MALRD1: variants seen among roughly 807,000 people sequenced by gnomAD.
MALRD1 encodes MAM and LDL-receptor class A domain-containing protein 1.
Under a neutral mutation model 242.1 loss-of-function variants are expected in MALRD1, and 247 were observed. The observed-to-expected ratio is 1.02, with a 90% confidence interval of 0.92 to 1.13. The LOEUF is 1.13. MALRD1 is among the 50% of genes most tolerant of loss of function. The pLI is 0.00. For synonymous variants in MALRD1, 995 were observed against 866.6 expected, an observed-to-expected ratio of 1.15 and a Z score of -2.60; for missense variants, 2,989 against 2,533.1, an observed-to-expected ratio of 1.18 and a Z score of -3.86.
At chr10:19,187,106 T>C (rs1835772921) in intron 14 of MALRD1, among the ~76,000 whole-genome samples, 1 of 152,216 alleles carries the variant, frequency 6.6e-6, no homozygotes, top group African/African-American at 2.4e-5. Context: ...ACTCACATGC[T>C]TACTTTTAAG....
At chr10:19,435,725 C>T (rs1834326815) in intron 28 of MALRD1, among the ~76,000 whole-genome samples, 1 of 152,076 alleles carries the variant, frequency 6.6e-6, no homozygotes, top group East Asian at 1.9e-4. Flanking sequence ...AAGTTCCTTC[C>T]CATATCCCTG....
intron 13 of MALRD1, among the ~76,000 whole-genome samples, chr10:19,170,332 A>C (rs1433360032): frequency 6.6e-6 from 1 of 152,154 alleles, no homozygotes; most frequent in Non-Finnish European, 1.5e-5. Flanking sequence ...TTAGTATCTC[A>C]AGGTGGCACT....
rs58719373 is a variant in MALRD1, at chr10:19,153,691, GA to G, written c.1559-1372del. ...GTGACAGAGCCAGACCCTGTCTCAG[GA>G]AAAAAAAAAAAGAAAAGAAAATTAA... On this transcript the variant is annotated intron_variant, in intron 11 of 39. Transcript: ENST00000454679. 7.4e-3 allele frequency among the ~76,000 whole-genome samples: 1,067 copies of G among 143,654 alleles called. 12 individuals are homozygous for G. The highest frequency in any genetic ancestry group is 0.024 in the African/African-American group (954 of 39,004). 94.2% of individuals were successfully genotyped at this position (143,654 alleles called of 152,430 possible). A position where few individuals can be genotyped will look rare whatever the true frequency, so the allele number is the denominator to read the frequency against.
At chr10:19,289,065 A>C (rs180683453) in intron 21 of MALRD1, among the ~76,000 whole-genome samples, 1 of 151,820 alleles carries the variant, frequency 6.6e-6, no homozygotes. Flanking sequence ...TTTTATTCAA[A>C]ATTTTTTTCT....
chr10:19,574,667 C>G (rs949019229), intron 33 of MALRD1, among the ~76,000 whole-genome samples: 16 of 152,162 alleles, frequency 1.1e-4, no homozygotes, highest in Non-Finnish European at 2.2e-4. Context: ...ATCATTTAAA[C>G]TCTCTAGACC....
At chr10:19,376,647 C>T (rs1418249052) in intron 26 of MALRD1, among the ~76,000 whole-genome samples, 1 of 148,560 alleles carries the variant, frequency 6.7e-6, no homozygotes, top group African/African-American at 2.5e-5. Context: ...CCTCTGCCTC[C>T]TGGGTTCAAG....
intron 31 of MALRD1, among the ~76,000 whole-genome samples, chr10:19,501,789 T>A (rs779749869): frequency 3.8e-4 from 57 of 151,964 alleles, no homozygotes; most frequent in Middle Eastern, 3.2e-3. Context: ...CCCAGCCCTT[T>A]GGGAGGCTGA....
intron 5 of MALRD1, among the ~76,000 whole-genome samples, chr10:19,121,524 T>C (rs189203860): frequency 6.6e-6 from 1 of 152,298 alleles, no homozygotes; most frequent in East Asian, 1.9e-4. Flanking sequence ...GGTTGTCGGA[T>C]CAGGAGAATG....
At chr10:19,486,521 A>G (rs1310872098) in intron 29 of MALRD1, among the ~76,000 whole-genome samples, 1 of 152,138 alleles carries the variant, frequency 6.6e-6, no homozygotes, top group African/African-American at 2.4e-5. Flanking sequence ...GTTTCTTTTC[A>G]GTTGATTCCA....
intron 38 of MALRD1, among the ~76,000 whole-genome samples, chr10:19,702,822 C>T (rs1357481734): frequency 6.6e-6 from 1 of 152,190 alleles, no homozygotes; most frequent in Non-Finnish European, 1.5e-5. Flanking sequence ...AACCATCACC[C>T]TCTCGAAATT....
chr10:19,696,473 A>C (rs1833382360), intron 38 of MALRD1, among the ~76,000 whole-genome samples: 1 of 152,176 alleles, frequency 6.6e-6, no homozygotes, highest in African/African-American at 2.4e-5. Flanking sequence ...AAATTATACA[A>C]CCGCCTGATG....
chr10:19,361,891 CT>C (rs1487396287), intron 26 of MALRD1, among the ~76,000 whole-genome samples: 44 of 152,242 alleles, frequency 2.9e-4, no homozygotes, highest in African/African-American at 1.0e-3. Context: ...GTTTGAATCA[CT>C]TGTGGTTGTA....
intron 2 of MALRD1, among the ~76,000 whole-genome samples, chr10:19,085,398 C>T (rs908562707): frequency 1.3e-5 from 2 of 151,726 alleles, no homozygotes; most frequent in South Asian, 2.1e-4. Context: ...GAAGTACACA[C>T]TAAAAAAAAT....
At chr10:19,591,601 C>A (rs998559289) in intron 33 of MALRD1, among the ~76,000 whole-genome samples, 1 of 150,918 alleles carries the variant, frequency 6.6e-6, no homozygotes, top group Non-Finnish European at 1.5e-5. Context: ...TCGGTTCAAG[C>A]GATAATCTTG....
chr10:19,065,952 A>G (rs1306589786), intron 1 of MALRD1, among the ~76,000 whole-genome samples: 3 of 152,178 alleles, frequency 2.0e-5, no homozygotes, highest in African/African-American at 7.2e-5. Context: ...TGGCACGAAG[A>G]TGGAAGCTGA....
intron 24 of MALRD1, among the ~76,000 whole-genome samples, chr10:19,337,201 A>G (rs1207023977): frequency 1.3e-5 from 2 of 152,146 alleles, no homozygotes; most frequent in Non-Finnish European, 2.9e-5. Flanking sequence ...AAGCTAGACA[A>G]TTTGTTAAGT....
chr10:19,685,629 A>T (rs190849826), intron 36 of MALRD1, among the ~76,000 whole-genome samples: 8 of 152,326 alleles, frequency 5.3e-5, no homozygotes, highest in Middle Eastern at 3.4e-3. Context: ...ATGCCATCAA[A>T]GTTATTTTGC....
intron 8 of MALRD1, among the ~76,000 whole-genome samples, chr10:19,132,370 A>G (rs887191550): frequency 1.3e-5 from 2 of 152,210 alleles, no homozygotes; most frequent in Non-Finnish European, 2.9e-5. Flanking sequence ...CTATCAGCCG[A>G]AAATATGTCC....
intron 26 of MALRD1, among the ~76,000 whole-genome samples, chr10:19,367,729 G>A (rs1419103078): frequency 6.6e-6 from 1 of 152,040 alleles, no homozygotes; most frequent in Non-Finnish European, 1.5e-5. Context: ...CTCAAGAAGA[G>A]TGTATAAGAG....
Sources: gnomAD v4.1 joint callset for allele counts (sites outside exome capture counted in the v4.1 genomes callset) on GRCh38, gnomAD v4.1.1 for gene constraint, MANE v1.5 for transcripts, NCBI Gene and HGNC (gene_info 2026-07-23, HGNC 2026-07-21) for gene names.